Variants in FGF1 observed in about 807,000 individuals in gnomAD.
FGF1 encodes the protein beta-endothelial cell growth factor.
A neutral mutation model predicts 13.4 loss-of-function variants in FGF1; 9 were observed. That is an observed-to-expected ratio of 0.67 (90% CI 0.40 to 1.17). The LOEUF (loss-of-function observed/expected upper bound fraction) is 1.17. Among genes scored for constraint, FGF1 ranks in the 50% most tolerant of loss-of-function variants. The pLI is 0.01. For missense variants in FGF1, 156 were observed against 192.7 expected (o/e 0.81, Z 1.13); for synonymous variants, 93 against 79.0 (o/e 1.18, Z -0.94).
chr5:142,665,345 CCT>C (rs1379009870), intron 1 of FGF1, among the ~76,000 whole-genome samples: 5 of 152,040 alleles, frequency 3.3e-5, no homozygotes, highest in Non-Finnish European at 5.9e-5. Flanking sequence ...TCCATCTCCC[CCT>C]GTCCCACTCC....
intron 1 of FGF1, among the ~76,000 whole-genome samples, chr5:142,620,247 C>G (rs1222932093): frequency 6.6e-6 from 1 of 152,014 alleles, no homozygotes; most frequent in Non-Finnish European, 1.5e-5. Flanking sequence ...GAAACCCTGT[C>G]TCTACTAAAA....
intron 1 of FGF1, among the ~76,000 whole-genome samples, chr5:142,618,948 T>TTTTTTG (rs1760859688): frequency 7.0e-6 from 1 of 142,134 alleles, no homozygotes; most frequent in Non-Finnish European, 1.5e-5. Flanking sequence ...TTTTTTTTTT[T>TTTTTTG]TTTTGAGACG....
At chr5:142,646,960 A>G (rs996361175) in intron 1 of FGF1, among the ~76,000 whole-genome samples, 1 of 152,194 alleles carries the variant, frequency 6.6e-6, no homozygotes. Context: ...TCATGGACAG[A>G]TTGGGCATAA....
intron 1 of FGF1, among the ~76,000 whole-genome samples, chr5:142,637,652 G>A (rs34702386): frequency 0.089 from 13,458 of 151,966 alleles, 712 homozygotes; most frequent in East Asian, 0.15. Flanking sequence ...AAACAGTGCT[G>A]GGAGCCAGAG....
Position 142,691,460 on chromosome 5 carries a change from TAAAATAAAATA to T in FGF1, c.-35+6151_-35+6161del, listed in dbSNP as rs796191924. Among the ~76,000 whole-genome samples, 767 of 120,662 alleles carry T rather than the reference TAAAATAAAATA, an allele frequency of 6.4e-3. 20 individuals are homozygous for T. The highest frequency in any genetic ancestry group is 0.045 in the East Asian group (226 of 5,052). The allele number at this position is 120,662 out of a possible 152,430, so 79.2% of individuals were successfully genotyped here. ...TAAAATAAAATAAAATAAAATAAAA[TAAAATAAAATA>T]AAATAAAATAAATAAAATATTTACT... is the stretch of plus-strand genomic sequence containing the variant. On this transcript the variant is annotated intron_variant, in intron 2 of 4. Transcript: ENST00000407758.
At chr5:142,601,197 T>C (rs1234917450) in intron 2 of FGF1, 2 of 476,544 alleles carry the variant, frequency 4.2e-6, no homozygotes, top group Non-Finnish European at 8.4e-6. Context: ...TGGGATGCCA[T>C]AGAGTAGGAT....
chr5:142,627,105 C>T (rs188676853), intron 1 of FGF1: 6 of 152,244 alleles, frequency 3.9e-5, no homozygotes, highest in African/African-American at 1.4e-4. Context: ...TAATATGAAC[C>T]TGTGTTTAGT....
chr5:142,616,670 C>T (rs1760314024), intron 1 of FGF1, among the ~76,000 whole-genome samples: 1 of 152,076 alleles, frequency 6.6e-6, no homozygotes, highest in Non-Finnish European at 1.5e-5. Context: ...TCCTGTCTCT[C>T]CACTCACTCC....
chr5:142,597,888 C>A (rs927727393), intron 3 of FGF1, among the ~76,000 whole-genome samples: 1 of 152,124 alleles, frequency 6.6e-6, no homozygotes, highest in Non-Finnish European at 1.5e-5. Flanking sequence ...TAATTTGATT[C>A]TTGAGATAAT....
chr5:142,692,184 A>G (rs1480797205), intron 2 of FGF1, among the ~76,000 whole-genome samples: 1 of 152,144 alleles, frequency 6.6e-6, no homozygotes, highest in Admixed American at 6.5e-5. Context: ...AAACCCCACA[A>G]AAATTAGCTG....
intron 1 of FGF1, among the ~76,000 whole-genome samples, chr5:142,682,023 A>G (rs1031192552): frequency 4.6e-5 from 7 of 151,890 alleles, no homozygotes; most frequent in Non-Finnish European, 1.0e-4. Context: ...ACCAGGGGTC[A>G]CTTATAGAGT....
intron 1 of FGF1, among the ~76,000 whole-genome samples, chr5:142,662,232 C>T (rs1238950857): frequency 6.6e-6 from 1 of 152,130 alleles, no homozygotes; most frequent in Non-Finnish European, 1.5e-5. Flanking sequence ...AGCCATTGAA[C>T]TATACACTTT....
At chr5:142,646,865 G>A (rs565173175) in intron 1 of FGF1, among the ~76,000 whole-genome samples, 5 of 152,224 alleles carry the variant, frequency 3.3e-5, no homozygotes, top group South Asian at 4.2e-4. Context: ...CCCTGTCATC[G>A]TTTCTTCCCC....
intron 2 of FGF1, among the ~76,000 whole-genome samples, chr5:142,695,523 A>C (rs1481185301): frequency 6.7e-6 from 1 of 149,736 alleles, no homozygotes; most frequent in East Asian, 2.0e-4. Flanking sequence ...CGGAGGTTGC[A>C]GTGAGCCAAG....
intron 2 of FGF1, among the ~76,000 whole-genome samples, chr5:142,611,295 A>G: frequency 6.6e-6 from 1 of 151,994 alleles, no homozygotes; most frequent in Non-Finnish European, 1.5e-5. Flanking sequence ...CGTGCCCAGG[A>G]CTCCTCTCAC....
In FGF1 at chr5:142,604,206, T is replaced by C. The variant is rs1369850966; in HGVS notation, c.170-3401A>G. ...TGTTGGTTGCACAACTCTGTTAAGT[T>C]GTAAGAAAATCCATTGCATTGTACA... is the stretch of plus-strand genomic sequence containing the variant. On this transcript the variant is annotated intron_variant, in intron 2 of 3. Transcript: ENST00000337706. 2.0e-5 allele frequency among the ~76,000 whole-genome samples: 3 copies of C among 152,200 alleles called. No individual in the cohort carries two copies. The East Asian group carries it at 5.8e-4, about 29-fold the overall frequency.
chr5:142,652,388 A>G (rs1469390028), intron 1 of FGF1, among the ~76,000 whole-genome samples: 1 of 152,202 alleles, frequency 6.6e-6, no homozygotes, highest in African/African-American at 2.4e-5. Context: ...GCTATGGGGC[A>G]GGTGAGTTTT....
Position 142,613,952 on chromosome 5 carries a change from G to A in FGF1, c.169+7C>T. 6.2e-7 allele frequency: 1 copy of A among 1,613,202 alleles called. No homozygotes were observed. Among genetic ancestry groups the A allele is most frequent in the Non-Finnish European group, 8.5e-7 (1 of 1,179,818 alleles). The stretch of plus-strand genomic sequence containing the variant: ...AGGGAAGGGGGGTGCCATAGAGATG[G>A]GCTTACTGTGCTGGTCGCTCCTGTC... On this transcript the variant is annotated splice_region_variant and intron_variant, in intron 2 of 3. Transcript: ENST00000337706.
At chr5:142,689,698 T>TG (rs1751839599), upstream of FGF1, among the ~76,000 whole-genome samples, 1 of 144,002 alleles carries the variant, frequency 6.9e-6, no homozygotes, top group Admixed American at 6.8e-5. Flanking sequence ...ATCCTAGTTT[T>TG]TTTTTTTTTT....
Sources: gnomAD v4.1 joint callset for allele counts (sites outside exome capture counted in the v4.1 genomes callset) on GRCh38, gnomAD v4.1.1 for gene constraint, MANE v1.5 for transcripts, NCBI Gene and HGNC (gene_info 2026-07-23, HGNC 2026-07-21) for gene names.